Variants in ZUP1 observed in about 807,000 individuals in gnomAD.
The protein encoded by ZUP1 is zinc finger-containing ubiquitin peptidase 1.
ZUP1 carries 55 observed loss-of-function variants against 68.1 expected under a neutral mutation model. The observed-to-expected ratio is 0.81, with a 90% CI of 0.65 to 1.01. The LOEUF (loss-of-function observed/expected upper bound fraction) is 1.01. Among genes scored for constraint, ZUP1 ranks in the 50% least tolerant of loss-of-function variants. The probability of loss-of-function intolerance (pLI) is 0.00; values close to 1 mark genes in which losing one functional copy is unlikely to be tolerated. For synonymous variants in ZUP1, 223 were observed against 221.5 expected (o/e 1.01, Z -0.06); for missense variants, 684 against 674.9 (o/e 1.01, Z -0.15).
chr6:116,651,344 T>A (rs1776484134), intron 7 of ZUP1, among the ~76,000 whole-genome samples: 2 of 152,106 alleles, frequency 1.3e-5, no homozygotes, highest in Admixed American at 6.5e-5. Flanking sequence ...GAAACAGCTA[T>A]GAAAGCATAC....
At chr6:116,651,955 CAT>C in intron 6 of ZUP1, 47 bp downstream of exon 6, 1 of 1,571,062 alleles carries the variant, frequency 6.4e-7, no homozygotes, top group African/African-American at 1.4e-5. Flanking sequence ...CATTCTATAT[CAT>C]ATGTATTTTA....
chr6:116,650,514 AAT>A (rs1454377272), intron 7 of ZUP1, among the ~76,000 whole-genome samples: 1 of 152,092 alleles, frequency 6.6e-6, no homozygotes, highest in African/African-American at 2.4e-5. Context: ...ATCAAACAAC[AAT>A]AGTTAACCTC....
rs1366270882 is a variant in ZUP1, at chr6:116,656,766, A to G, written c.879T>C (p.Pro293=). ...MEIEVNRGRM[P]PSEFHRRKAD... is the part of the protein sequence containing the mutation. ...CTTTTCTCCTATGAAATTCAGATGG[A>G]GGCATTCTTCCCCTATTTACTTCTA... is the stretch of plus-strand genomic sequence containing the variant. The change falls in exon 5 of 10, where the codon CCT becomes CCC. Residue 293 remains proline (P), a synonymous_variant. Transcript: ENST00000368576. 16 of 1,612,296 alleles carry G rather than the reference A, an allele frequency of 9.9e-6. No individual in the cohort carries two copies. Among genetic ancestry groups the G allele is most frequent in the Non-Finnish European group, 1.3e-5 (15 of 1,179,004 alleles).
At chr6:116,659,099 A>G (rs994672373) in intron 3 of ZUP1, among the ~76,000 whole-genome samples, 175 bp from the exon 4 acceptor site, 9 of 152,196 alleles carry the variant, frequency 5.9e-5, no homozygotes, top group Non-Finnish European at 1.3e-4. Flanking sequence ...TTGGTAAGGA[A>G]TAACCTCCAT....
intron 2 of ZUP1, among the ~76,000 whole-genome samples, chr6:116,662,000 T>C (rs1053765419): frequency 3.3e-5 from 5 of 152,070 alleles, no homozygotes; most frequent in African/African-American, 1.2e-4. Context: ...GGGAACTGAA[T>C]CTTTGAAACC....
At chr6:116,644,330 T>C (rs764640805) in intron 9 of ZUP1, among the ~76,000 whole-genome samples, 107 of 152,242 alleles carry the variant, frequency 7.0e-4, no homozygotes, top group African/African-American at 2.4e-3. Flanking sequence ...CCAGCCATCC[T>C]ATTACTGGGT....
Position 116,660,749 on chromosome 6 carries a change from G to C in ZUP1, c.657C>G (p.Asn219Lys). 1 of 1,594,730 alleles carries C rather than the reference G, an allele frequency of 6.3e-7. No homozygotes were observed. Among genetic ancestry groups the C allele is most frequent in the South Asian group, 1.1e-5 (1 of 88,424 alleles). ...QEHVDLHLEE[N>K]SFQQGMDRVQ... The stretch of plus-strand genomic sequence containing the variant: ...ATATAAACATACCTTGCTGAAAGCT[G>C]TTTTCTTCCAAATGCAAGTCAACAT... Residue 219 changes from asparagine (N) to lysine (K), a missense_variant, in exon 3 of 10, where the codon AAC becomes AAG. Asn to Lys is a moderately conservative substitution (Grantham distance 94). Coordinates refer to ENST00000368576, the MANE Select transcript of ZUP1 (RefSeq NM_145062.3).
In ZUP1 at chr6:116,667,047, T is replaced by A. The variant is rs760783407; in HGVS notation, c.146A>T (p.Glu49Val). The A allele has an allele frequency of 6.2e-7, 1 of 1,613,836 alleles. No individual in the cohort carries two copies. The highest frequency in any genetic ancestry group is 8.5e-7 in the Non-Finnish European group (1 of 1,179,868). The change falls in exon 2 of 10, where the codon GAA becomes GTA. Residue 49 changes from glutamate (E) to valine (V), a missense_variant. Physicochemically the swap from Glu to Val is moderately radical, Grantham distance 121. Transcript: ENST00000368576. ...VNYDEMCFHIETAHFEQNTLE... is the reference protein window; with the variant it reads ...VNYDEMCFHIVTAHFEQNTLE... Reference sequence around the variant, plus strand: ...TGTATTCTGCTCAAAATGAGCTGTTTCGATATGAAAACACATTTCATCATA... The same window carrying A: ...TGTATTCTGCTCAAAATGAGCTGTTACGATATGAAAACACATTTCATCATA...
At position 116,667,197 on chromosome 6, in the gene ZUP1, T is replaced by C; in HGVS notation, c.-5A>G. 3.2e-6 allele frequency: 5 copies of C among 1,545,464 alleles called. No homozygotes were observed. Among genetic ancestry groups the C allele is most frequent in the Non-Finnish European group, 4.4e-6 (5 of 1,147,732 alleles). On this transcript the variant is annotated 5_prime_UTR_variant, in exon 2 of 10. Transcript: ENST00000368576. ...ACAAATATTACAGGAAAGCATGGTA[T>C]TGACAAGTAGCTAGAAAAGAACATA...
chr6:116,666,824 T>G lies in ZUP1; in HGVS notation c.369A>C (p.Leu123Phe), dbSNP rs764542644. Residue 123 changes from leucine (L) to phenylalanine (F), a missense_variant, in exon 2 of 10, where the codon TTA (leucine) becomes TTC (phenylalanine). Leu to Phe is a conservative substitution (Grantham distance 22). Transcript: ENST00000368576. ...TTTTCAGGAATTTTCTAGATTCAGT[T>G]AAGTTCTCTGAATAGAAGCCTTCAT... ...LKHEGFYSEN[L>F]TESRKFLKSR... 4.3e-6 allele frequency: 7 copies of G among 1,613,026 alleles called. No individual in the cohort carries two copies. The Admixed American group carries it at 1.2e-4, about 27-fold the overall frequency.
chr6:116,661,070 C>A (rs1465976958), intron 2 of ZUP1, among the ~76,000 whole-genome samples: 3 of 151,390 alleles, frequency 2.0e-5, no homozygotes, highest in Non-Finnish European at 1.5e-5. Context: ...GAGATGAGAT[C>A]TCACTATGTC....
At chr6:116,639,834 C>T (rs574144020) in intron 9 of ZUP1, among the ~76,000 whole-genome samples, 2,750 of 152,230 alleles carry the variant, frequency 0.018, 74 homozygotes, top group South Asian at 0.065. Flanking sequence ...CAAAGCTGGA[C>T]GGAGAATGAC....
At chr6:116,661,655 A>G (rs1562411245) in intron 2 of ZUP1, among the ~76,000 whole-genome samples, 1 of 152,234 alleles carries the variant, frequency 6.6e-6, no homozygotes, top group East Asian at 1.9e-4. Flanking sequence ...GACCTAGCAG[A>G]TAAGGGACAT....
At chr6:116,649,869 A>C (rs9488999) in intron 7 of ZUP1, among the ~76,000 whole-genome samples, 17,746 of 152,200 alleles carry the variant, frequency 0.12, 1,753 homozygotes, top group African/African-American at 0.25. Flanking sequence ...CCAAAATTAA[A>C]AGAAAGCCTT....
At chr6:116,659,533 G>A (rs1391799709) in intron 3 of ZUP1, among the ~76,000 whole-genome samples, 1 of 150,794 alleles carries the variant, frequency 6.6e-6, no homozygotes, top group African/African-American at 2.4e-5. Context: ...GAGGAAACCA[G>A]AATTTTAAAA....
intron 4 of ZUP1, among the ~76,000 whole-genome samples, chr6:116,657,472 C>A (rs1200698261): frequency 6.6e-6 from 1 of 152,140 alleles, no homozygotes; most frequent in Non-Finnish European, 1.5e-5. Context: ...TTTTAAATTA[C>A]ATAAGGCATA....
intron 2 of ZUP1, among the ~76,000 whole-genome samples, chr6:116,665,067 T>C (rs1465330661): frequency 6.6e-6 from 1 of 152,014 alleles, no homozygotes; most frequent in East Asian, 1.9e-4. Context: ...ATAAGCAACA[T>C]CTTATGGAAT....
chr6:116,647,631 G>A (rs1464233511), intron 7 of ZUP1, 21 bp from the exon 8 acceptor site: 1 of 1,488,600 alleles, frequency 6.7e-7, no homozygotes, highest in Admixed American at 1.9e-5. Flanking sequence ...TTGACAAAAT[G>A]CACATTTAAA....
chr6:116,645,640 G>T, intron 9 of ZUP1, 74 bp downstream of exon 9: 25 of 999,948 alleles, frequency 2.5e-5, no homozygotes, highest in Non-Finnish European at 3.5e-5. Flanking sequence ...TGATAACACT[G>T]ATTTTAAACT....
Sources: allele counts gnomAD v4.1 joint callset (sites outside exome capture counted in the v4.1 genomes callset), GRCh38; gene constraint gnomAD v4.1.1; transcripts MANE v1.5; gene names NCBI Gene and HGNC (gene_info 2026-07-23, HGNC 2026-07-21).